The following KLHL4 variants were observed in gnomAD, a reference collection of about 807,000 sequenced individuals.
KLHL4 encodes kelch like family member 4, also known as kelch-like protein 4.
In KLHL4, 17 loss-of-function variants were observed where a neutral mutation model predicts 45.8. The observed-to-expected ratio is 0.37, with a 90% CI of 0.25 to 0.56. KLHL4 has a LOEUF of 0.56. Among genes scored for constraint, KLHL4 ranks in the 20% least tolerant of loss-of-function variants. KLHL4 has a pLI of 0.79. For synonymous variants in KLHL4, 224 were observed against 189.9 expected (o/e 1.18, Z -1.47); for missense variants, 544 against 544.9 (o/e 1.00, Z 0.02).
chrX:87,556,589 G>C (rs928367953), intron 1 of KLHL4, among the ~76,000 whole-genome samples: 1 of 110,314 alleles, frequency 9.1e-6, no homozygotes, highest in African/African-American at 3.3e-5. Flanking sequence ...ATGAGTGAAT[G>C]GGTGCAGCAC....
chrX:87,667,633 T>C lies in KLHL4; in HGVS notation c.*1099T>C, dbSNP rs1476983566. On this transcript the variant is annotated 3_prime_UTR_variant, in exon 11 of 11. Coordinates refer to ENST00000373119, the MANE Select transcript of KLHL4 (RefSeq NM_019117.5). Reference sequence around the variant, plus strand: ...TTGTTAAGTTTTAAAATAACAAAAATGGCTAGTTGAATAGTATTTTATGTG... The same window carrying C: ...TTGTTAAGTTTTAAAATAACAAAAACGGCTAGTTGAATAGTATTTTATGTG... 1 of 576,478 alleles carries C rather than the reference T, an allele frequency of 1.7e-6. No individual in the cohort carries two copies. Among genetic ancestry groups the C allele is most frequent in the African/African-American group, 2.5e-5 (1 of 39,451 alleles). 47.5% of individuals were successfully genotyped at this position (576,478 alleles called of 1,213,427 possible).
rs1922630805 is a variant in KLHL4, at chrX:87,618,246, C to A, written c.924+118C>A. The A allele has an allele frequency of 7.6e-6, 4 of 525,193 alleles. No individual in the cohort carries two copies. The East Asian group carries it at 1.2e-4, about 16-fold the overall frequency. The allele number at this position is 525,193 out of a possible 1,213,427, so 43.3% of individuals were successfully genotyped here. A position where few individuals can be genotyped will look rare whatever the true frequency, so the allele number is the denominator to read the frequency against. On this transcript the variant is annotated intron_variant, in intron 4 of 10. Transcript: ENST00000373119. ...TGACTTTCACATATGATATATTCAA[C>A]AAAAACATTTGTCTGGTTGAGCTGC...
chrX:87,598,410 T>C (rs1423489375), intron 1 of KLHL4, among the ~76,000 whole-genome samples: 1 of 111,024 alleles, frequency 9.0e-6, no homozygotes, highest in Non-Finnish European at 1.9e-5. Flanking sequence ...TTATAGTTAA[T>C]GTGAATAGAG....
At chrX:87,544,910 A>G (rs5967849) in intron 1 of KLHL4, among the ~76,000 whole-genome samples, 26,192 of 110,679 alleles carry the variant, frequency 0.24, 2,629 homozygotes, top group East Asian at 0.51. Flanking sequence ...AAAAACACAT[A>G]CTAGGATCAA....
intron 9 of KLHL4, among the ~76,000 whole-genome samples, chrX:87,640,327 C>T (rs1319452355): frequency 4.5e-5 from 5 of 111,363 alleles, no homozygotes; most frequent in African/African-American, 6.5e-5. Flanking sequence ...GGGAATCCTC[C>T]GTAAATCATT....
intron 1 of KLHL4, among the ~76,000 whole-genome samples, chrX:87,585,942 G>A (rs1921455577): frequency 9.0e-6 from 1 of 111,104 alleles, no homozygotes; most frequent in Admixed American, 9.6e-5. Context: ...TATATTCCAT[G>A]CCTTTGGAAA....
At chrX:87,614,698 C>A (rs1922498768) in intron 3 of KLHL4, 128 bp downstream of exon 3, 2 of 548,175 alleles carry the variant, frequency 3.6e-6, no homozygotes, top group East Asian at 3.9e-5. Flanking sequence ...ACTGCTACTA[C>A]AACTACAAAG....
At chrX:87,548,528 C>A (rs1259423685) in intron 1 of KLHL4, among the ~76,000 whole-genome samples, 1 of 110,897 alleles carries the variant, frequency 9.0e-6, no homozygotes, top group Non-Finnish European at 1.9e-5. Context: ...AGTAGAAAGA[C>A]CAAATGATTA....
chrX:87,556,359 C>A (rs1257242796), intron 1 of KLHL4, among the ~76,000 whole-genome samples: 2 of 109,889 alleles, frequency 1.8e-5, no homozygotes, highest in Non-Finnish European at 3.8e-5. Flanking sequence ...ATGATGAGTT[C>A]ATGTCCTTTG....
At position 87,554,797 on chromosome X, in the gene KLHL4, G is replaced by A. The variant is rs1198370501; in HGVS notation, c.422+36482G>A. 1.1e-4 allele frequency among the ~76,000 whole-genome samples: 11 copies of A among 99,436 alleles called. 1 individual carries two copies. The highest frequency in any genetic ancestry group is 4.1e-4 in the African/African-American group (11 of 27,041). 86.3% of individuals were successfully genotyped at this position (99,436 alleles called of 115,157 possible). A position where few individuals can be genotyped will look rare whatever the true frequency, so the allele number is the denominator to read the frequency against. On this transcript the variant is annotated intron_variant, in intron 1 of 10. Coordinates refer to ENST00000373119, the MANE Select transcript of KLHL4 (RefSeq NM_019117.5). ...GAGAGGGCATCCCTGTCTTGTGCCA[G>A]TTTTCAAATGGAATGCTTCCAGTTT...
At chrX:87,519,771 T>C (rs1285959641) in intron 1 of KLHL4, among the ~76,000 whole-genome samples, 2 of 112,125 alleles carry the variant, frequency 1.8e-5, no homozygotes, top group Non-Finnish European at 3.8e-5. Context: ...AAAAAACTGC[T>C]GAATTTGGAG....
Position 87,669,231 on chromosome X carries a change from A to G in KLHL4, c.*2697A>G. ...TGTTGCTTCTTGATTTTTTTCTATA[A>G]TCACTATGACCGTGTTCACGATTCC... On this transcript the variant is annotated 3_prime_UTR_variant, in exon 11 of 11. Transcript: ENST00000373119. 1 of 1,126,952 alleles carries G rather than the reference A, an allele frequency of 8.9e-7. No individual in the cohort carries two copies. The highest frequency in any genetic ancestry group is 1.2e-6 in the Non-Finnish European group (1 of 851,496). The allele number at this position is 1,126,952 out of a possible 1,213,427, so 92.9% of individuals were successfully genotyped here.
At chrX:87,580,220 A>T in intron 1 of KLHL4, among the ~76,000 whole-genome samples, 1 of 110,712 alleles carries the variant, frequency 9.0e-6, no homozygotes, top group Non-Finnish European at 1.9e-5. Flanking sequence ...TATAGAATAT[A>T]CACAAAAGAA....
chrX:87,534,578 C>T (rs1602403710), intron 1 of KLHL4, among the ~76,000 whole-genome samples: 2 of 111,013 alleles, frequency 1.8e-5, no homozygotes, highest in South Asian at 7.7e-4. Context: ...ACCTCACACC[C>T]CTCCTACATG....
At chrX:87,547,159 C>A (rs1931700967) in intron 1 of KLHL4, among the ~76,000 whole-genome samples, 1 of 111,273 alleles carries the variant, frequency 9.0e-6, no homozygotes, top group Admixed American at 9.5e-5. Flanking sequence ...GCTTTGTGTC[C>A]CCATCCAAAT....
chrX:87,561,231 G>A (rs4828477), intron 1 of KLHL4, among the ~76,000 whole-genome samples: 1 of 109,586 alleles, frequency 9.1e-6, no homozygotes, highest in Non-Finnish European at 1.9e-5. Flanking sequence ...GGTGAGTTAC[G>A]ACAGCACCTG....
chrX:87,635,978 G>T, intron 9 of KLHL4, among the ~76,000 whole-genome samples: 1 of 110,989 alleles, frequency 9.0e-6, no homozygotes, highest in South Asian at 3.8e-4. Context: ...CCTGTTCTAG[G>T]CTCTTTCAAA....
chrX:87,600,307 C>A (rs1047295893), intron 1 of KLHL4, among the ~76,000 whole-genome samples: 30 of 110,270 alleles, frequency 2.7e-4, no homozygotes, highest in Non-Finnish European at 4.2e-4. Context: ...CATGGCGAAA[C>A]CCCGTCTCTA....
chrX:87,560,481 C>A (rs575473295), intron 1 of KLHL4, among the ~76,000 whole-genome samples: 1 of 111,702 alleles, frequency 9.0e-6, no homozygotes, highest in South Asian at 3.7e-4. Context: ...GAGATCTACC[C>A]TTTTAAGAAA....
Sources: allele counts gnomAD v4.1 joint callset (sites outside exome capture counted in the v4.1 genomes callset), GRCh38; gene constraint gnomAD v4.1.1; transcripts MANE v1.5; gene names NCBI Gene and HGNC (gene_info 2026-07-23, HGNC 2026-07-21).